The following BANF2 variants were observed in gnomAD, a reference collection of about 807,000 sequenced individuals.
BANF2 encodes the protein BANF family member 2.
In BANF2, 4 loss-of-function variants were observed where a neutral mutation model predicts 8.0. The observed-to-expected ratio is 0.50, with a 90% CI of 0.25 to 1.14. The LOEUF (loss-of-function observed/expected upper bound fraction) is 1.14, where lower values mean the gene tolerates loss of function less well. Among genes scored for constraint, BANF2 ranks in the 50% most tolerant of loss-of-function variants. The pLI is 0.16. For missense variants in BANF2, 96 were observed against 107.5 expected (o/e 0.89, Z 0.47); for synonymous variants, 50 against 40.6 (o/e 1.23, Z -0.88).
chr20:17,735,041 T>A (rs1200096852), intron 3 of BANF2, among the ~76,000 whole-genome samples: 16 of 152,020 alleles, frequency 1.1e-4, no homozygotes, highest in Admixed American at 1.0e-3. Context: ...ATCACGCCAT[T>A]GCACTCCGGC....
In BANF2 at chr20:17,713,260, T is replaced by TGAGAGA. The variant is rs144968177; in HGVS notation, c.-166-9439_-166-9434dup. Among the ~76,000 whole-genome samples the TGAGAGA allele has an allele frequency of 2.1e-5, 3 of 144,848 alleles. No homozygotes were observed. In the East Asian group the frequency reaches 6.0e-4, roughly 29 times the overall value. On this transcript the variant is annotated intron_variant, in intron 1 of 3. Transcript: ENST00000246090. ...AAGACTCCATTTTAAAAAGAAAGAA[T>TGAGAGA]GAGAGAGAGAGAGAGAGAGAGATCC... is the stretch of plus-strand genomic sequence containing the variant.
At chr20:17,725,002 C>T (rs750995801) in intron 2 of BANF2, 21 bp from the exon 3 acceptor site, 2 of 1,600,348 alleles carry the variant, frequency 1.2e-6, no homozygotes, top group Middle Eastern at 1.9e-4. Flanking sequence ...TAATCCTCCT[C>T]TCTCCCCACT....
intron 3 of BANF2, among the ~76,000 whole-genome samples, chr20:17,733,408 T>G (rs1009359701): frequency 3.3e-5 from 5 of 152,200 alleles, no homozygotes; most frequent in African/African-American, 1.2e-4. Context: ...CTACTTAGCA[T>G]TAACTACTAT....
chr20:17,711,186 A>C (rs895674298), intron 1 of BANF2, among the ~76,000 whole-genome samples: 4 of 152,196 alleles, frequency 2.6e-5, no homozygotes, highest in Non-Finnish European at 4.4e-5. Flanking sequence ...TCTGGGTTAG[A>C]GATGAGCACA....
At chr20:17,702,310 T>C (rs2037420769) in intron 1 of BANF2, among the ~76,000 whole-genome samples, 1 of 152,226 alleles carries the variant, frequency 6.6e-6, no homozygotes, top group African/African-American at 2.4e-5. Flanking sequence ...TGGGCCCGCC[T>C]GTTTCACTGG....
intron 3 of BANF2, among the ~76,000 whole-genome samples, chr20:17,728,911 AG>A (rs2037852475): frequency 6.6e-6 from 1 of 152,216 alleles, no homozygotes; most frequent in Admixed American, 6.5e-5. Flanking sequence ...AGCCCAAAAA[AG>A]GAACGTAAAA....
intron 1 of BANF2, among the ~76,000 whole-genome samples, chr20:17,710,245 G>C (rs1299848855): frequency 6.6e-6 from 1 of 152,208 alleles, no homozygotes; most frequent in African/African-American, 2.4e-5. Flanking sequence ...ACATGGGCAG[G>C]GCAGGGACAG....
chr20:17,703,593 G>T (rs1182133287), intron 1 of BANF2, among the ~76,000 whole-genome samples: 1 of 152,156 alleles, frequency 6.6e-6, no homozygotes, highest in Non-Finnish European at 1.5e-5. Context: ...TGTCACTGAG[G>T]GTCACTCAGC....
chr20:17,695,070 T>A (rs1024996839), upstream of BANF2, among the ~76,000 whole-genome samples: 14 of 152,122 alleles, frequency 9.2e-5, no homozygotes, highest in Non-Finnish European at 1.8e-4. Context: ...AGGACTCTGT[T>A]TGCAAAACTC....
intron 3 of BANF2, among the ~76,000 whole-genome samples, chr20:17,732,665 C>A (rs1044904033): frequency 6.6e-6 from 1 of 152,180 alleles, no homozygotes; most frequent in East Asian, 1.9e-4. Context: ...CGAGCCCCCC[C>A]TCTTACAGCT....
chr20:17,709,559 G>A (rs2037538312), intron 1 of BANF2, among the ~76,000 whole-genome samples: 1 of 152,122 alleles, frequency 6.6e-6, no homozygotes, highest in South Asian at 2.1e-4. Context: ...TTGTTTTGGG[G>A]CAGCCAACTG....
In BANF2 at chr20:17,722,749, G is replaced by C. The variant is rs2037750979; in HGVS notation, c.-133G>C. The stretch of plus-strand genomic sequence containing the variant: ...GACACATCAAGGCCACTTTTCTTAG[G>C]AGCCCCCTGACTTCCAAAATCAGTG... On this transcript the variant is annotated 5_prime_UTR_variant, in exon 2 of 4. Coordinates refer to ENST00000246090, the MANE Select transcript of BANF2 (RefSeq NM_178477.5). 1.0e-6 allele frequency: 1 copy of C among 984,684 alleles called. No homozygotes were observed. Among genetic ancestry groups the C allele is most frequent in the Admixed American group, 6.2e-5 (1 of 16,250 alleles). 61.0% of individuals were successfully genotyped at this position (984,684 alleles called of 1,614,324 possible). A position where few individuals can be genotyped will look rare whatever the true frequency, so the allele number is the denominator to read the frequency against.
chr20:17,714,000 G>A (rs898446717), intron 1 of BANF2, among the ~76,000 whole-genome samples: 6 of 152,006 alleles, frequency 3.9e-5, no homozygotes, highest in African/African-American at 1.5e-4. Context: ...GCGGTCAGGA[G>A]TTCAAGACCA....
chr20:17,697,779 G>A (rs1031165463), upstream of BANF2, among the ~76,000 whole-genome samples: 1 of 152,170 alleles, frequency 6.6e-6, no homozygotes, highest in Non-Finnish European at 1.5e-5. Flanking sequence ...CAAATCTCAC[G>A]TTGAAAAGTG....
intron 3 of BANF2, among the ~76,000 whole-genome samples, chr20:17,733,371 C>T (rs761335754): frequency 1.2e-4 from 19 of 152,160 alleles, no homozygotes; most frequent in Non-Finnish European, 2.4e-4. Flanking sequence ...TCTAGCAGCA[C>T]GTGGCCGACA....
At chr20:17,702,805 C>G (rs551626595) in intron 1 of BANF2, among the ~76,000 whole-genome samples, 1 of 152,162 alleles carries the variant, frequency 6.6e-6, no homozygotes, top group African/African-American at 2.4e-5. Context: ...CCAACAGAAC[C>G]GTCACGGGAA....
chr20:17,734,977 C>T (rs1035184146), intron 3 of BANF2, among the ~76,000 whole-genome samples: 1 of 152,154 alleles, frequency 6.6e-6, no homozygotes, highest in Non-Finnish European at 1.5e-5. Context: ...ATCCCAGCTA[C>T]TTGGAAAGCT....
At chr20:17,705,604 G>A (rs1278511986) in intron 1 of BANF2, among the ~76,000 whole-genome samples, 1 of 152,198 alleles carries the variant, frequency 6.6e-6, no homozygotes, top group South Asian at 2.1e-4. Flanking sequence ...ACTTTTCAAA[G>A]CCGTAAATAG....
upstream of BANF2, among the ~76,000 whole-genome samples, chr20:17,697,598 C>G (rs2037356750): frequency 6.6e-6 from 1 of 152,182 alleles, no homozygotes; most frequent in African/African-American, 2.4e-5. Flanking sequence ...CCCCCTGAAG[C>G]AGACCCTGAA....
Sources: gnomAD v4.1 joint callset for allele counts (sites outside exome capture counted in the v4.1 genomes callset) on GRCh38, gnomAD v4.1.1 for gene constraint, MANE v1.5 for transcripts, NCBI Gene and HGNC (gene_info 2026-07-23, HGNC 2026-07-21) for gene names.